Variants in BLTP1 observed in about 807,000 individuals in gnomAD.
BLTP1 encodes the protein fragile site-associated protein.
chr4:122,265,065 G>T, the BLTP1 span, among the ~76,000 whole-genome samples: 1 of 152,112 alleles, frequency 6.6e-6, no homozygotes, highest in Non-Finnish European at 1.5e-5. Context: ...TGGGACGTGG[G>T]TGAGAGGAGG....
the BLTP1 span, chr4:122,351,314 AC>A: frequency 5.7e-6 from 4 of 695,712 alleles, no homozygotes; most frequent in Admixed American, 2.5e-4. Flanking sequence ...ATCACTGTGA[AC>A]ACCTTAGAGC....
chr4:122,176,987 A>G, the BLTP1 span, among the ~76,000 whole-genome samples: 2 of 152,206 alleles, frequency 1.3e-5, no homozygotes, highest in Non-Finnish European at 2.9e-5. Flanking sequence ...AGTTTTAAAC[A>G]CATTAAACTC....
chr4:122,271,763 A>G, the BLTP1 span: 10 of 1,273,826 alleles, frequency 7.9e-6, no homozygotes, highest in Non-Finnish European at 9.8e-6. Flanking sequence ...TTCCATTTAC[A>G]ATAACAATAA....
the BLTP1 span, among the ~76,000 whole-genome samples, chr4:122,182,141 A>G: frequency 1.3e-5 from 2 of 152,210 alleles, no homozygotes; most frequent in Non-Finnish European, 2.9e-5. Flanking sequence ...ATTATGGACA[A>G]TTACAGAGAG....
the BLTP1 span, chr4:122,174,729 T>G: frequency 2.7e-5 from 31 of 1,129,780 alleles, 1 homozygote; most frequent in African/African-American, 4.8e-4. Flanking sequence ...TTATGATATT[T>G]TATTGAATGT....
At chr4:122,279,937 A>G in the BLTP1 span, 2 of 1,614,142 alleles carry the variant, frequency 1.2e-6, no homozygotes, top group South Asian at 1.1e-5. Context: ...GTTCTCACCA[A>G]CTATCTAAAC....
the BLTP1 span, among the ~76,000 whole-genome samples, chr4:122,252,923 C>T: frequency 1.3e-5 from 2 of 152,192 alleles, no homozygotes; most frequent in Non-Finnish European, 2.9e-5. Context: ...GCTTGTGTCA[C>T]TGCACCAGCT....
chr4:122,185,939 T>C, the BLTP1 span: 1 of 968,084 alleles, frequency 1.0e-6, no homozygotes, highest in Non-Finnish European at 1.4e-6. Context: ...TATTTTAAAA[T>C]AAATTGAATT....
the BLTP1 span, chr4:122,356,498 A>G: frequency 1.0e-6 from 1 of 985,190 alleles, no homozygotes; most frequent in Non-Finnish European, 1.5e-6. Context: ...TGTAAATCAC[A>G]TACAGATATT....
chr4:122,174,443 AG>A, the BLTP1 span: 1 of 1,433,614 alleles, frequency 7.0e-7, no homozygotes, highest in Admixed American at 2.9e-5. Context: ...TAAGGCTGTA[AG>A]GGTATCAGGA....
chr4:122,218,846 A>G, the BLTP1 span, among the ~76,000 whole-genome samples: 1 of 152,344 alleles, frequency 6.6e-6, no homozygotes, highest in Non-Finnish European at 1.5e-5. Context: ...TCAATAACCA[A>G]GATTGGATAT....
chr4:122,312,851 A>T, the BLTP1 span: 1 of 827,566 alleles, frequency 1.2e-6, no homozygotes, highest in African/African-American at 1.8e-5. Context: ...CTCAGAGTGA[A>T]TTACAAAAGG....
At chr4:122,261,236 G>T in the BLTP1 span, 1 of 939,858 alleles carries the variant, frequency 1.1e-6, no homozygotes, top group Non-Finnish European at 1.3e-6. Flanking sequence ...ATAGTTAGAC[G>T]CTTGGGACAC....
At chr4:122,244,326 C>T in the BLTP1 span, among the ~76,000 whole-genome samples, 2 of 151,942 alleles carry the variant, frequency 1.3e-5, no homozygotes. Context: ...TCCACAGATG[C>T]TCAAGTCTTG....
chr4:122,153,840 T>A, the BLTP1 span: 2 of 248,936 alleles, frequency 8.0e-6, no homozygotes, highest in Non-Finnish European at 1.3e-5. Context: ...GAAGTTGTAG[T>A]TTTATTTTAT....
chr4:122,221,688 T>C, the BLTP1 span: 2 of 531,126 alleles, frequency 3.8e-6, no homozygotes, highest in Admixed American at 1.3e-4. Context: ...AAAAAAAACC[T>C]CTTGTCCTCT....
At chr4:122,184,179 A>C in the BLTP1 span, among the ~76,000 whole-genome samples, 1 of 152,204 alleles carries the variant, frequency 6.6e-6, no homozygotes, top group Admixed American at 6.5e-5. Flanking sequence ...TCAAAGGCAG[A>C]AATATTGGGC....
the BLTP1 span, chr4:122,238,189 A>G: frequency 3.7e-6 from 6 of 1,613,958 alleles, no homozygotes; most frequent in Admixed American, 3.3e-5. Flanking sequence ...AAGTACCATT[A>G]CGATCTCATA....
the BLTP1 span, chr4:122,298,308 T>TATAGGCAAGAGCATGG: frequency 1.6e-6 from 1 of 641,412 alleles, no homozygotes; most frequent in Non-Finnish European, 1.9e-6. Flanking sequence ...CACCATGCTC[T>TATAGGCAAGAGCATGG]TGCCTATAGA....
Sources: allele counts gnomAD v4.1 joint callset (sites outside exome capture counted in the v4.1 genomes callset), GRCh38; gene constraint gnomAD v4.1.1; transcripts MANE v1.5; gene names NCBI Gene and HGNC (gene_info 2026-07-23, HGNC 2026-07-21).